The following RNPC3 variants were observed in gnomAD, a reference collection of about 807,000 sequenced individuals.
The protein encoded by RNPC3 is RNA-binding region-containing protein 3.
RNPC3 carries 48 observed loss-of-function variants against 67.5 expected under a neutral mutation model. The observed-to-expected ratio is 0.71, with a 90% CI of 0.56 to 0.90. The LOEUF is 0.90. Among genes scored for constraint, RNPC3 ranks in the 40% least tolerant of loss-of-function variants. The pLI is 0.00. For missense variants in RNPC3, 637 were observed against 626.1 expected, an observed-to-expected ratio of 1.02 and a Z score of -0.19; for synonymous variants, 239 against 210.3, an observed-to-expected ratio of 1.14 and a Z score of -1.18.
At chr1:103,550,640 CAAAA>C (rs34109337) in intron 12 of RNPC3, among the ~76,000 whole-genome samples, 1 of 88,644 alleles carries the variant, frequency 1.1e-5, no homozygotes. Flanking sequence ...GACTCTGTCT[CAAAA>C]AAAAAAAAAA....
chr1:103,534,664 TA>T (rs1253768834), intron 3 of RNPC3, 109 bp from the exon 4 acceptor site: 4 of 620,972 alleles, frequency 6.4e-6, no homozygotes, highest in Non-Finnish European at 1.1e-5. Context: ...TTTTTTTTTT[TA>T]ATGAAGCTGT....
At chr1:103,534,325 C>A (rs1190128837) in intron 3 of RNPC3, among the ~76,000 whole-genome samples, 4 of 151,884 alleles carry the variant, frequency 2.6e-5, no homozygotes, top group African/African-American at 9.7e-5. Context: ...TGAGCTTTAA[C>A]CCAGTCTTAC....
At chr1:103,552,369 C>T (rs1025828595) in intron 14 of RNPC3, 1 of 151,976 alleles carries the variant, frequency 6.6e-6, no homozygotes, top group African/African-American at 2.4e-5. Flanking sequence ...AGCTTGAAAA[C>T]TCCTGGAATA....
Position 103,527,756 on chromosome 1 carries a change from T to A in RNPC3, c.240+14T>A. The stretch of plus-strand genomic sequence containing the variant: ...GCAGCTATAAAGGTATGACTTTTTC[T>A]TGACGATTAAAGTTGTCAACAGGAT... On this transcript the variant is annotated intron_variant, in intron 2 of 14. Transcript: ENST00000423855. 6.5e-7 allele frequency: 1 copy of A among 1,532,260 alleles called. No individual in the cohort carries two copies. Among genetic ancestry groups the A allele is most frequent in the Non-Finnish European group, 8.8e-7 (1 of 1,130,872 alleles). The allele number at this position is 1,532,260 out of a possible 1,614,324, so 94.9% of individuals were successfully genotyped here.
chr1:103,537,429 G>C lies in RNPC3; in HGVS notation c.712G>C (p.Glu238Gln). 1 of 1,536,694 alleles carries C rather than the reference G, an allele frequency of 6.5e-7. No homozygotes were observed. The highest frequency in any genetic ancestry group is 2.4e-5 in the East Asian group (1 of 40,894). ...ACCTCCTTTGCCAGACGAGGATGAG[G>C]AATTATCTAGTGAAGAATCAGAATA... ...EEPPLPDEDE[E>Q]LSSEESEYES... Residue 238 changes from glutamate to glutamine, a missense_variant, in exon 7 of 15, where the codon GAA (glutamate) becomes CAA (glutamine). Physicochemically the swap from Glu to Gln is conservative, Grantham distance 29 (BLOSUM62 2). This residue lies in a region of RNPC3 where 536 missense variants were observed against 500.3 expected (regional missense o/e 1.07). Transcript: ENST00000423855.
intron 14 of RNPC3, chr1:103,553,583 A>G (rs1365399555): frequency 6.6e-6 from 1 of 152,184 alleles, no homozygotes; most frequent in Non-Finnish European, 1.5e-5. Flanking sequence ...GAATGTGTTC[A>G]TTTACTTTAA....
intron 1 of RNPC3, among the ~76,000 whole-genome samples, chr1:103,527,248 T>G (rs758864443): frequency 3.9e-5 from 6 of 152,200 alleles, no homozygotes; most frequent in Admixed American, 6.5e-5. Flanking sequence ...CCATTGAACA[T>G]TATTACAAAG....
chr1:103,528,299 T>G lies in RNPC3; in HGVS notation c.240+557T>G, dbSNP rs575243708. ...GGTTTAGTAGGTGGACACTTGATAC[T>G]TTTGAGCTGGCTCATAATATGATCA... On this transcript the variant is annotated intron_variant, in intron 2 of 14. Transcript: ENST00000423855. Among the ~76,000 whole-genome samples the G allele has an allele frequency of 2.6e-5, 4 of 152,298 alleles. No individual in the cohort carries two copies. The South Asian group carries it at 8.3e-4, about 32-fold the overall frequency.
intron 14 of RNPC3, chr1:103,552,093 C>T (rs751780892): frequency 1.1e-5 from 2 of 177,588 alleles, no homozygotes; most frequent in Non-Finnish European, 2.3e-5. Flanking sequence ...TATCATATCA[C>T]TTGGAGAGCC....
chr1:103,544,253 T>C (rs1370918123), intron 9 of RNPC3, among the ~76,000 whole-genome samples: 1 of 151,830 alleles, frequency 6.6e-6, no homozygotes, highest in Non-Finnish European at 1.5e-5. Context: ...ATTTTTTAAA[T>C]GAACATAATG....
Position 103,526,062 on chromosome 1 carries a change from C to T in RNPC3, c.-9C>T. The T allele has an allele frequency of 6.6e-7, 1 of 1,513,362 alleles. No homozygotes were observed. Among genetic ancestry groups the T allele is most frequent in the East Asian group, 2.6e-5 (1 of 39,186 alleles). The allele number at this position is 1,513,362 out of a possible 1,614,324, so 93.7% of individuals were successfully genotyped here. ...TCCCACGATTTCTGTTTTTGCTTCT[C>T]CAAGGAAAATGGCAGCTCCCGAGCA... On this transcript the variant is annotated 5_prime_UTR_variant, in exon 1 of 15. Transcript: ENST00000423855.
At chr1:103,540,387 G>A (rs1651095651) in intron 7 of RNPC3, among the ~76,000 whole-genome samples, 1 of 152,176 alleles carries the variant, frequency 6.6e-6, no homozygotes, top group Non-Finnish European at 1.5e-5. Context: ...TTTTGGATAA[G>A]GGGTGCTCAA....
In RNPC3 at chr1:103,550,247, A is replaced by G. The variant is rs1257024203; in HGVS notation, c.1362-694A>G. Reference sequence around the variant, plus strand: ...GGCTGTTAATCCTTTCTATTTTTCCATTCTTGGTTATGTAGTAGTAGTTGT... The same window carrying G: ...GGCTGTTAATCCTTTCTATTTTTCCGTTCTTGGTTATGTAGTAGTAGTTGT... On this transcript the variant is annotated intron_variant, in intron 12 of 14. Transcript: ENST00000423855. Among the ~76,000 whole-genome samples, 3 of 152,126 alleles carry G rather than the reference A, an allele frequency of 2.0e-5. No individual in the cohort carries two copies. In the East Asian group the frequency reaches 5.8e-4, roughly 29 times the overall value.
chr1:103,534,930 T>G (rs1479552270), intron 4 of RNPC3, 73 bp downstream of exon 4: 1 of 831,788 alleles, frequency 1.2e-6, no homozygotes. Context: ...TCTTACTGCT[T>G]TTTGCTTATT....
At chr1:103,547,582 G>A (rs1450525650) in intron 12 of RNPC3, among the ~76,000 whole-genome samples, 1 of 152,170 alleles carries the variant, frequency 6.6e-6, no homozygotes, top group Admixed American at 6.5e-5. Flanking sequence ...CAAAGACTAT[G>A]CTTTGAAAAC....
chr1:103,553,684 G>C (rs933735404), intron 14 of RNPC3: 45 of 152,122 alleles, frequency 3.0e-4, no homozygotes, highest in African/African-American at 1.0e-3. Flanking sequence ...ATCTGGTTTA[G>C]GTATTTATAA....
At chr1:103,530,436 A>G (rs537104137) in intron 2 of RNPC3, among the ~76,000 whole-genome samples, 5 of 152,276 alleles carry the variant, frequency 3.3e-5, no homozygotes, top group Admixed American at 6.5e-5. Flanking sequence ...TTAGAGGAAC[A>G]GCTGGAACAG....
In RNPC3 at chr1:103,547,094, A is replaced by G. The variant is rs577792808; in HGVS notation, c.1361+59A>G. 149 of 957,390 alleles carry G rather than the reference A, an allele frequency of 1.6e-4. 1 individual carries two copies. The South Asian group carries it at 1.6e-3, about 10-fold the overall frequency. 59.3% of individuals were successfully genotyped at this position (957,390 alleles called of 1,614,324 possible). A position where few individuals can be genotyped will look rare whatever the true frequency, so the allele number is the denominator to read the frequency against. On this transcript the variant is annotated intron_variant, in intron 12 of 14. Coordinates refer to ENST00000423855, the MANE Select transcript of RNPC3 (RefSeq NM_017619.4). The stretch of plus-strand genomic sequence containing the variant: ...TTTTGTTTTTATCTATTACAAATTT[A>G]CCACTATTTTAATCCCATCATTTTC...
At chr1:103,542,455 A>G (rs1651143729) in intron 8 of RNPC3, among the ~76,000 whole-genome samples, 1 of 151,954 alleles carries the variant, frequency 6.6e-6, no homozygotes, top group Non-Finnish European at 1.5e-5. Context: ...TTATTGAAGA[A>G]GCCATTGGAA....
Sources: allele counts gnomAD v4.1 joint callset (sites outside exome capture counted in the v4.1 genomes callset), GRCh38; gene constraint gnomAD v4.1.1; regional missense constraint gnomAD v4.1.1; transcripts MANE v1.5; gene names NCBI Gene and HGNC (gene_info 2026-07-23, HGNC 2026-07-21).